TIAM2: variants seen among roughly 807,000 people sequenced by gnomAD.
TIAM2 encodes the protein TIAM Rac1 associated GEF 2.
In TIAM2, 80 loss-of-function variants were observed where a neutral mutation model predicts 152.9. That is an observed-to-expected ratio of 0.52 (90% CI 0.44 to 0.63). The LOEUF (loss-of-function observed/expected upper bound fraction) is 0.63, where lower values mean the gene tolerates loss of function less well. Among genes scored for constraint, TIAM2 ranks in the 30% least tolerant of loss-of-function variants. The pLI is 0.00. For missense variants in TIAM2, 1,965 were observed against 2,120.1 expected (o/e 0.93, Z 1.44); for synonymous variants, 804 against 838.0 (o/e 0.96, Z 0.70).
In TIAM2 at chr6:155,057,087, G is replaced by A. The variant is rs1267133059; in HGVS notation, c.-208-33202G>A. On this transcript the variant is annotated intron_variant, in intron 1 of 26. Coordinates refer to ENST00000682666, the MANE Select transcript of TIAM2 (RefSeq NM_012454.4). ...TTTGTCATCCAGATTGGAGTGCAGTGGTGCAATCTCGGTTCACTGCATCCT... is the reference window on the plus strand; with the variant it reads ...TTTGTCATCCAGATTGGAGTGCAGTAGTGCAATCTCGGTTCACTGCATCCT... Among the ~76,000 whole-genome samples the A allele has an allele frequency of 3.1e-5, 4 of 129,316 alleles. No individual in the cohort carries two copies. In the East Asian group the frequency reaches 9.3e-4, roughly 30 times the overall value. 84.8% of individuals were successfully genotyped at this position (129,316 alleles called of 152,430 possible).
At chr6:155,180,176 G>A (rs1191724765) in intron 12 of TIAM2, among the ~76,000 whole-genome samples, 6 of 152,168 alleles carry the variant, frequency 3.9e-5, no homozygotes, top group African/African-American at 1.4e-4. Context: ...CTACTCGGGA[G>A]GCTGAGGCAG....
Position 155,186,894 on chromosome 6 carries a change from C to A in TIAM2, c.3064+3394C>A, listed in dbSNP as rs117498916. 3.6e-3 allele frequency among the ~76,000 whole-genome samples: 553 copies of A among 152,298 alleles called. 1 individual carries two copies. Among genetic ancestry groups the A allele is most frequent in the Non-Finnish European group, 6.5e-3 (441 of 68,024 alleles). On this transcript the variant is annotated intron_variant, in intron 14 of 26. Transcript: ENST00000682666. This position sits in a 1 kb window ranked among gnomAD's most constrained non-coding sequence, Gnocchi z 4.5. ...CCTGCCTTTCCCTAAATTTCACTTT[C>A]CCTTGGCATTGCTAGAAGGCAACCA...
chr6:155,240,820 G>A (rs942218264), intron 16 of TIAM2, 111 bp downstream of exon 16: 30 of 1,114,264 alleles, frequency 2.7e-5, no homozygotes, highest in Admixed American at 4.9e-5. Context: ...ACTCCCCAGG[G>A]GGGGACACCT....
chr6:155,249,422 C>T (rs935133408), intron 20 of TIAM2, among the ~76,000 whole-genome samples: 1 of 152,200 alleles, frequency 6.6e-6, no homozygotes, highest in Non-Finnish European at 1.5e-5. Context: ...AGCCTGGCTC[C>T]ATTCTTGTGT....
chr6:155,222,218 T>A (rs1782069942), intron 15 of TIAM2, among the ~76,000 whole-genome samples: 1 of 151,940 alleles, frequency 6.6e-6, no homozygotes. Flanking sequence ...CCTCCCAAAG[T>A]GTTGGGATTA....
chr6:155,242,132 C>T (rs1291187550), intron 16 of TIAM2, among the ~76,000 whole-genome samples: 2 of 152,096 alleles, frequency 1.3e-5, no homozygotes, highest in South Asian at 2.1e-4. Context: ...TTCTTAGGGC[C>T]CCCCTGGGTT....
intron 1 of TIAM2, among the ~76,000 whole-genome samples, chr6:155,077,393 A>G (rs539806507): frequency 4.6e-5 from 7 of 152,276 alleles, no homozygotes; most frequent in African/African-American, 1.7e-4. Flanking sequence ...AAGCACAGCA[A>G]TCTCCAAGTC....
At chr6:155,196,787 C>G (rs567464581) in intron 14 of TIAM2, among the ~76,000 whole-genome samples, 2 of 152,302 alleles carry the variant, frequency 1.3e-5, no homozygotes, top group Admixed American at 1.3e-4. Context: ...TAGTTCTGAT[C>G]TGTTGTACCT....
At chr6:155,194,839 G>A (rs1414085938) in intron 14 of TIAM2, among the ~76,000 whole-genome samples, 1 of 152,184 alleles carries the variant, frequency 6.6e-6, no homozygotes, top group Admixed American at 6.5e-5. Flanking sequence ...GGACCAGGTA[G>A]AGGTAATTGA....
rs1381307403 is a variant in TIAM2 at position 155,218,788 on chromosome 6, G to A, written c.3168+7481G>A. ...ATGCTGTTGAAAGTAAGACGTGCAT[G>A]CTTTGACCATCTCAGCTGCCCACCC... On this transcript the variant is annotated intron_variant, in intron 15 of 26. Coordinates refer to ENST00000682666, the MANE Select transcript of TIAM2 (RefSeq NM_012454.4). The surrounding 1 kb of genome is among the most constrained non-coding windows in gnomAD (Gnocchi z 4.5). 6.6e-6 allele frequency among the ~76,000 whole-genome samples: 1 copy of A among 152,082 alleles called. No individual in the cohort carries two copies. The highest frequency in any genetic ancestry group is 1.5e-5 in the Non-Finnish European group (1 of 68,028).
chr6:155,244,134 C>A, intron 17 of TIAM2, 55 bp downstream of exon 17: 1 of 1,509,950 alleles, frequency 6.6e-7, no homozygotes, highest in Non-Finnish European at 9.2e-7. Flanking sequence ...TCTCTGTTTG[C>A]CTTTTAGCAG....
intron 15 of TIAM2, among the ~76,000 whole-genome samples, chr6:155,235,022 A>G (rs948878182): frequency 1.3e-5 from 2 of 151,562 alleles, no homozygotes; most frequent in African/African-American, 4.8e-5. Flanking sequence ...ACAGCTAGAG[A>G]CAGAGCACAG....
chr6:155,196,320 A>G (rs1781346502), intron 14 of TIAM2, among the ~76,000 whole-genome samples: 1 of 152,170 alleles, frequency 6.6e-6, no homozygotes. Flanking sequence ...TTGGTTTGGG[A>G]ACTCCTTGTG....
At chr6:155,033,749 C>T (rs1439347728) in intron 1 of TIAM2, among the ~76,000 whole-genome samples, 2 of 149,998 alleles carry the variant, frequency 1.3e-5, no homozygotes, top group Non-Finnish European at 3.0e-5. Flanking sequence ...CAGAGTCTTG[C>T]TCTGTCACCC....
intron 7 of TIAM2, 63 bp downstream of exon 7, chr6:155,148,397 G>A (rs1437939120): frequency 1.0e-5 from 15 of 1,452,488 alleles, no homozygotes; most frequent in Middle Eastern, 2.4e-4. Context: ...GTGACTGAAC[G>A]CATGCTGTCA....
At chr6:155,189,254 G>A (rs1328171004) in intron 14 of TIAM2, among the ~76,000 whole-genome samples, 1 of 152,078 alleles carries the variant, frequency 6.6e-6, no homozygotes, top group Non-Finnish European at 1.5e-5. Context: ...AGAATGCTCT[G>A]TTTGTGTGTA....
intron 1 of TIAM2, among the ~76,000 whole-genome samples, chr6:155,059,081 T>G (rs1777510819): frequency 6.6e-6 from 1 of 152,218 alleles, no homozygotes; most frequent in South Asian, 2.1e-4. Context: ...TAATATTAAC[T>G]AAGCCCCATA....
intron 1 of TIAM2, among the ~76,000 whole-genome samples, chr6:155,061,037 G>A (rs1777569052): frequency 6.6e-6 from 1 of 152,132 alleles, no homozygotes. Context: ...TTTCTCCAAG[G>A]AGCCCTGGTT....
chr6:155,149,489 A>G (rs1779898136), intron 7 of TIAM2, among the ~76,000 whole-genome samples: 1 of 152,276 alleles, frequency 6.6e-6, no homozygotes, highest in African/African-American at 2.4e-5. Flanking sequence ...TGGTAACACA[A>G]CAATTTAGAC....
Sources: gnomAD v4.1 joint callset for allele counts (sites outside exome capture counted in the v4.1 genomes callset) on GRCh38, gnomAD v4.1.1 for gene constraint, Gnocchi (gnomAD v3.1) non-coding constraint, MANE v1.5 for transcripts, NCBI Gene and HGNC (gene_info 2026-07-23, HGNC 2026-07-21) for gene names.